The following PIN4 variants were observed in gnomAD, a reference collection of about 807,000 sequenced individuals.
PIN4 encodes the protein peptidylprolyl cis/trans isomerase, NIMA-interacting 4, also known as peptidyl-prolyl cis-trans isomerase NIMA-interacting 4.
In PIN4, 3 loss-of-function variants were observed where a neutral mutation model predicts 8.3. That is an observed-to-expected ratio of 0.36 (90% CI 0.16 to 0.93). PIN4 has a LOEUF of 0.93. PIN4 is among the 40% of genes least tolerant of loss of function. The probability of loss-of-function intolerance (pLI) is 0.44; values close to 1 mark genes in which losing one functional copy is unlikely to be tolerated. For synonymous variants in PIN4, 18 were observed against 32.5 expected, an observed-to-expected ratio of 0.55 and a Z score of 1.52; for missense variants, 75 against 100.6, an observed-to-expected ratio of 0.75 and a Z score of 1.09.
downstream of PIN4, among the ~76,000 whole-genome samples, chrX:72,202,550 T>C (rs887889971): frequency 8.9e-6 from 1 of 112,054 alleles, no homozygotes; most frequent in African/African-American, 3.3e-5. Flanking sequence ...AAAACAAAGA[T>C]GTGTAGGGCG....
At chrX:72,186,658 T>C in intron 2 of PIN4, 124 bp downstream of exon 2, 1 of 511,567 alleles carries the variant, frequency 2.0e-6, no homozygotes, top group Non-Finnish European at 3.3e-6. Flanking sequence ...AAAATCAAAA[T>C]AACACAAAAT....
chrX:72,226,677 T>C (rs1216346202), intron 3 of PIN4, among the ~76,000 whole-genome samples: 2 of 111,591 alleles, frequency 1.8e-5, no homozygotes, highest in Non-Finnish European at 3.8e-5. Flanking sequence ...AGGCTGAGTA[T>C]TGGGCAAAAC....
At chrX:72,200,182 G>A (rs2042785130), downstream of PIN4, among the ~76,000 whole-genome samples, 1 of 108,649 alleles carries the variant, frequency 9.2e-6, no homozygotes, top group Non-Finnish European at 1.9e-5. Flanking sequence ...AAAAAGAGTT[G>A]ACAAATGAAA....
In PIN4 at chrX:72,197,389, A is replaced by G. The variant is rs1250999628; in HGVS notation, c.259A>G (p.Arg87Gly). ...RQGGDLGWMT[R>G]GSMVGPFQEA... The stretch of plus-strand genomic sequence containing the variant: ...TCAGGGTGACTTGGGTTGGATGACC[A>G]GAGGGTCCATGGTGGGACCATTTCA... The change falls in exon 4 of 4, where the codon AGA (arginine) becomes GGA (glycine). Residue 87 changes from arginine (R) to glycine (G), a missense_variant. Coordinates refer to ENST00000373669, the MANE Select transcript of PIN4 (RefSeq NM_006223.4). The G allele has an allele frequency of 4.1e-6, 5 of 1,205,077 alleles. No individual in the cohort carries two copies. In the Admixed American group the frequency reaches 6.6e-5, roughly 16 times the overall value.
At chrX:72,261,876 C>G (rs2043141371) in intron 3 of PIN4, among the ~76,000 whole-genome samples, 1 of 111,367 alleles carries the variant, frequency 9.0e-6, no homozygotes, top group African/African-American at 3.3e-5. Context: ...TCTTCCCTTG[C>G]CTTTACTTGT....
chrX:72,215,446 T>C (rs1024811091), intron 3 of PIN4, among the ~76,000 whole-genome samples: 4 of 112,067 alleles, frequency 3.6e-5, no homozygotes, highest in African/African-American at 1.3e-4. Context: ...CTGAAGTGTT[T>C]AGGGGGAAGT....
intron 3 of PIN4, among the ~76,000 whole-genome samples, chrX:72,227,848 T>G (rs764145387): frequency 8.9e-6 from 1 of 112,555 alleles, no homozygotes; most frequent in South Asian, 3.6e-4. Flanking sequence ...CAAAGACCTG[T>G]GCTAACATCC....
At chrX:72,181,755 G>A (rs1287391920), upstream of PIN4, 98 of 1,189,060 alleles carry the variant, frequency 8.2e-5, no homozygotes, top group Non-Finnish European at 1.0e-4. Context: ...GGCAACTGGA[G>A]CGGTTCAGCG....
At chrX:72,209,384 A>G (rs1196652231) in intron 3 of PIN4, among the ~76,000 whole-genome samples, 1 of 111,712 alleles carries the variant, frequency 9.0e-6, no homozygotes, top group Non-Finnish European at 1.9e-5. Context: ...ATCAAATTCA[A>G]TTCATCCCAA....
chrX:72,222,965 C>T (rs1333351835), intron 3 of PIN4, among the ~76,000 whole-genome samples: 1 of 108,986 alleles, frequency 9.2e-6, no homozygotes, highest in Non-Finnish European at 1.9e-5. Flanking sequence ...GATCCAGAAT[C>T]TAGAGAAGGG....
chrX:72,193,318 T>TA (rs60236994), intron 2 of PIN4, among the ~76,000 whole-genome samples: 18 of 104,619 alleles, frequency 1.7e-4, no homozygotes, highest in East Asian at 5.9e-4. Context: ...AGCTGTCTCT[T>TA]AAAAAAAAAA....
intron 1 of PIN4, among the ~76,000 whole-genome samples, chrX:72,185,781 G>A (rs2042699769): frequency 8.9e-6 from 1 of 112,446 alleles, no homozygotes; most frequent in African/African-American, 3.2e-5. Flanking sequence ...ATTTGGACAT[G>A]AATGTATTCT....
intron 3 of PIN4, among the ~76,000 whole-genome samples, chrX:72,220,040 T>C (rs1035105836): frequency 2.7e-5 from 3 of 111,145 alleles, no homozygotes; most frequent in African/African-American, 3.3e-5. Context: ...TTACCTTTTA[T>C]TCCTAGTTTG....
intron 2 of PIN4, among the ~76,000 whole-genome samples, chrX:72,188,468 C>T (rs1197514746): frequency 9.0e-6 from 1 of 111,174 alleles, no homozygotes; most frequent in Non-Finnish European, 1.9e-5. Context: ...AGCGATTGTC[C>T]TGCCTCAGCC....
intron 3 of PIN4, among the ~76,000 whole-genome samples, chrX:72,226,819 G>T (rs2042956894): frequency 9.0e-6 from 1 of 111,541 alleles, no homozygotes. Flanking sequence ...ATACTGCTTT[G>T]TACAAAACAA....
At chrX:72,186,194 A>G in intron 1 of PIN4, 1 of 377,015 alleles carries the variant, frequency 2.7e-6, no homozygotes, top group Middle Eastern at 7.1e-4. Flanking sequence ...CTTTCTTAAA[A>G]CATTATGAGA....
At chrX:72,182,402 G>A (rs2042677962) in intron 1 of PIN4, among the ~76,000 whole-genome samples, 1 of 110,734 alleles carries the variant, frequency 9.0e-6, no homozygotes, top group Admixed American at 9.6e-5. Flanking sequence ...TTCGCCAGGC[G>A]TGGTGGTGGT....
chrX:72,186,046 G>GCA, intron 1 of PIN4, among the ~76,000 whole-genome samples: 1 of 111,657 alleles, frequency 9.0e-6, no homozygotes, highest in Non-Finnish European at 1.9e-5. Flanking sequence ...TTTATATAGG[G>GCA]CACAGATTTC....
chrX:72,201,111 G>C (rs954510067), downstream of PIN4, among the ~76,000 whole-genome samples: 1 of 111,086 alleles, frequency 9.0e-6, no homozygotes, highest in African/African-American at 3.3e-5. Flanking sequence ...GCTGAGGCAG[G>C]AGGGTTGCTT....
Sources: gnomAD v4.1 joint callset for allele counts (sites outside exome capture counted in the v4.1 genomes callset) on GRCh38, gnomAD v4.1.1 for gene constraint, MANE v1.5 for transcripts, NCBI Gene and HGNC (gene_info 2026-07-23, HGNC 2026-07-21) for gene names.